ACER1: variants seen among roughly 807,000 people sequenced by gnomAD.
The protein encoded by ACER1 is CTB-180A7.3.
Under a neutral mutation model 24.9 loss-of-function variants are expected in ACER1, and 28 were observed. That is an observed-to-expected ratio of 1.13 (90% CI 0.83 to 1.54). The LOEUF (loss-of-function observed/expected upper bound fraction) is 1.54, where lower values mean the gene tolerates loss of function less well. Among genes scored for constraint, ACER1 ranks in the 40% most tolerant of loss-of-function variants. The probability of loss-of-function intolerance (pLI) is 0.00; values close to 1 mark genes in which losing one functional copy is unlikely to be tolerated. For synonymous variants in ACER1, 132 were observed against 131.4 expected (o/e 1.00, Z -0.03); for missense variants, 352 against 349.3 (o/e 1.01, Z -0.06).
chr19:6,315,249 G>C (rs1405434971), intron 1 of ACER1, among the ~76,000 whole-genome samples: 10 of 151,718 alleles, frequency 6.6e-5, no homozygotes, highest in Non-Finnish European at 1.3e-4. Flanking sequence ...TGTTGCCGAG[G>C]CTGGAATGCA....
At chr19:6,348,188 G>A in the ACER1 span, among the ~76,000 whole-genome samples, 1 of 151,874 alleles carries the variant, frequency 6.6e-6, no homozygotes, top group South Asian at 2.1e-4. Context: ...GAACAGGCTG[G>A]GTGCAATGGC....
chr19:6,310,971 G>C (rs2091576995), intron 3 of ACER1, among the ~76,000 whole-genome samples: 1 of 151,914 alleles, frequency 6.6e-6, no homozygotes, highest in South Asian at 2.1e-4. Flanking sequence ...GCCCAGGTGA[G>C]CCCAGGCAGC....
chr19:6,336,308 C>T (rs531202704), upstream of ACER1, among the ~76,000 whole-genome samples: 51 of 152,240 alleles, frequency 3.3e-4, no homozygotes, highest in Non-Finnish European at 1.3e-4. Flanking sequence ...TCATGCGATC[C>T]TATCTCCTGC....
chr19:6,337,761 C>T (rs1336722725), upstream of ACER1, among the ~76,000 whole-genome samples: 17 of 143,766 alleles, frequency 1.2e-4, no homozygotes, highest in East Asian at 3.5e-3. Flanking sequence ...CTGCAAGCTC[C>T]GCCTCCTGGG....
At chr19:6,338,487 T>C (rs1003079980), upstream of ACER1, among the ~76,000 whole-genome samples, 5 of 152,194 alleles carry the variant, frequency 3.3e-5, no homozygotes, top group African/African-American at 7.2e-5. Context: ...GTTGTGAAAA[T>C]GTATAGTTAT....
intron 3 of ACER1, 150 bp downstream of exon 3, chr19:6,311,999 G>T: frequency 9.3e-7 from 1 of 1,075,216 alleles, no homozygotes. Context: ...GTCAGGCAGG[G>T]TCAGGAGAAA....
chr19:6,343,955 G>A, the ACER1 span: 1 of 152,186 alleles, frequency 6.6e-6, no homozygotes, highest in Non-Finnish European at 1.5e-5. Flanking sequence ...ATTCAGAGCA[G>A]CCCTGCCTGC....
At chr19:6,319,602 T>C (rs1275096447) in intron 1 of ACER1, among the ~76,000 whole-genome samples, 4 of 152,066 alleles carry the variant, frequency 2.6e-5, no homozygotes, top group African/African-American at 9.7e-5. Context: ...ACAAAGTCCC[T>C]GCCTTCTCGG....
chr19:6,347,109 A>AAATATATAT, the ACER1 span, among the ~76,000 whole-genome samples: 29 of 113,774 alleles, frequency 2.5e-4, no homozygotes, highest in African/African-American at 8.6e-4. Flanking sequence ...AAAAAAAAAA[A>AAATATATAT]ATATATATAT....
At chr19:6,351,222 C>T in the ACER1 span, among the ~76,000 whole-genome samples, 3 of 151,878 alleles carry the variant, frequency 2.0e-5, no homozygotes, top group East Asian at 1.9e-4. Context: ...AAAAATTAGC[C>T]GGGCCTGGTG....
chr19:6,326,929 C>A (rs962086364), intron 1 of ACER1, among the ~76,000 whole-genome samples: 1 of 152,306 alleles, frequency 6.6e-6, no homozygotes, highest in Admixed American at 6.5e-5. Flanking sequence ...CTGACCAGCT[C>A]TTCTTTGACT....
intron 3 of ACER1, among the ~76,000 whole-genome samples, chr19:6,311,945 A>G (rs2091583899): frequency 6.6e-6 from 1 of 152,096 alleles, no homozygotes; most frequent in Non-Finnish European, 1.5e-5. Flanking sequence ...GGATTCCAAG[A>G]AACCAGGTAA....
At chr19:6,337,111 G>C (rs894803063), upstream of ACER1, among the ~76,000 whole-genome samples, 3 of 151,636 alleles carry the variant, frequency 2.0e-5, no homozygotes, top group African/African-American at 7.3e-5. Flanking sequence ...AGAAAACGGA[G>C]GTTGCAGTGA....
chr19:6,347,131 T>TAA, the ACER1 span, among the ~76,000 whole-genome samples: 142 of 134,460 alleles, frequency 1.1e-3, 1 homozygote, highest in African/African-American at 3.3e-3. Context: ...TATATATATA[T>TAA]AAAATAATAA....
At chr19:6,349,141 A>G in the ACER1 span, among the ~76,000 whole-genome samples, 1 of 150,788 alleles carries the variant, frequency 6.6e-6, no homozygotes, top group Non-Finnish European at 1.5e-5. Context: ...AAGAAGAAGA[A>G]GAAAGAAAGA....
At chr19:6,337,754 C>A (rs1387093924), upstream of ACER1, among the ~76,000 whole-genome samples, 3 of 135,836 alleles carry the variant, frequency 2.2e-5, no homozygotes, top group Non-Finnish European at 4.6e-5. Context: ...TGGCTCACTG[C>A]AAGCTCCGCC....
At chr19:6,325,627 T>G (rs1020633862) in intron 1 of ACER1, among the ~76,000 whole-genome samples, 6 of 152,172 alleles carry the variant, frequency 3.9e-5, no homozygotes, top group African/African-American at 1.4e-4. Context: ...CACTACAGCC[T>G]GGGTGACAAA....
At chr19:6,331,972 T>TTC (rs1382541696) in intron 1 of ACER1, among the ~76,000 whole-genome samples, 1 of 151,384 alleles carries the variant, frequency 6.6e-6, no homozygotes, top group African/African-American at 2.4e-5. Flanking sequence ...TCCTATTTTT[T>TTC]TTTTTTTTTT....
At chr19:6,324,847 AAG>A (rs1014781846) in intron 1 of ACER1, among the ~76,000 whole-genome samples, 1 of 123,996 alleles carries the variant, frequency 8.1e-6, no homozygotes, top group Non-Finnish European at 1.7e-5. Flanking sequence ...GAAGGAAGGA[AAG>A]AGAGAGAGAG....
Sources: allele counts gnomAD v4.1 joint callset (sites outside exome capture counted in the v4.1 genomes callset), GRCh38; gene constraint gnomAD v4.1.1; transcripts MANE v1.5; gene names NCBI Gene and HGNC (gene_info 2026-07-23, HGNC 2026-07-21).